NPSR1: variants seen among roughly 807,000 people sequenced by gnomAD.
NPSR1 encodes neuropeptide S receptor.
A neutral mutation model predicts 46.9 loss-of-function variants in NPSR1; 48 were observed. The ratio of observed to expected loss-of-function variants is 1.02; its 90% confidence interval spans 0.81 to 1.30. The LOEUF is 1.30. Ranked by LOEUF, NPSR1 falls within the 50% of genes most tolerant of loss-of-function variation. The pLI, the probability that NPSR1 is intolerant of heterozygous loss-of-function variation, is 0.00. For missense variants in NPSR1, 450 were observed against 449.5 expected, an observed-to-expected ratio of 1.00 and a Z score of -0.01; for synonymous variants, 176 against 168.1, an observed-to-expected ratio of 1.05 and a Z score of -0.36.
intron 1 of NPSR1, among the ~76,000 whole-genome samples, chr7:34,664,618 A>T (rs548909866): frequency 0.014 from 1,381 of 100,830 alleles, 8 homozygotes; most frequent in African/African-American, 0.02. Flanking sequence ...CTTTTTTTTA[A>T]AAAAAAAAAA....
chr7:34,876,545 G>A (rs1791579167), intron 8 of NPSR1, among the ~76,000 whole-genome samples: 1 of 152,158 alleles, frequency 6.6e-6, no homozygotes, highest in Non-Finnish European at 1.5e-5. Context: ...CCCTGAGAAA[G>A]GCTTAAGGCA....
chr7:34,756,854 G>T (rs1270194930), intron 2 of NPSR1, among the ~76,000 whole-genome samples: 1 of 152,154 alleles, frequency 6.6e-6, no homozygotes, highest in African/African-American at 2.4e-5. Flanking sequence ...AGCAGAGCAG[G>T]TGCCATGCAT....
chr7:34,830,906 C>G (rs1377728239), intron 5 of NPSR1, among the ~76,000 whole-genome samples: 1 of 152,174 alleles, frequency 6.6e-6, no homozygotes, highest in Non-Finnish European at 1.5e-5. Flanking sequence ...ACCCCTCTGG[C>G]CCATGTGCAT....
chr7:34,790,916 T>A lies in NPSR1; in HGVS notation c.384+12351T>A, dbSNP rs1185728122. Among the ~76,000 whole-genome samples, 3 of 133,046 alleles carry A rather than the reference T, an allele frequency of 2.3e-5. 1 individual carries two copies. The highest frequency in any genetic ancestry group is 4.6e-5 in the Non-Finnish European group (3 of 65,388). 87.3% of individuals were successfully genotyped at this position (133,046 alleles called of 152,430 possible). A position where few individuals can be genotyped will look rare whatever the true frequency, so the allele number is the denominator to read the frequency against. On this transcript the variant is annotated intron_variant, in intron 3 of 8. Coordinates refer to ENST00000360581, the MANE Select transcript of NPSR1 (RefSeq NM_207172.2). ...TATATGTTATATGTTATATTATATA[T>A]CATATATGTTATATGTTATATTATA... is the stretch of plus-strand genomic sequence containing the variant.
At chr7:34,873,100 T>C (rs972244737) in intron 8 of NPSR1, among the ~76,000 whole-genome samples, 7 of 151,878 alleles carry the variant, frequency 4.6e-5, no homozygotes, top group African/African-American at 1.7e-4. Flanking sequence ...GCAGCCAAGC[T>C]CTTCATTAAA....
intron 2 of NPSR1, chr7:34,750,839 A>G: frequency 2.9e-6 from 2 of 694,082 alleles, no homozygotes; most frequent in South Asian, 2.7e-5. Flanking sequence ...CTTTTCCACC[A>G]GGCTTTGTCT....
chr7:34,864,975 G>C (rs1182007486), intron 8 of NPSR1, among the ~76,000 whole-genome samples: 1 of 151,740 alleles, frequency 6.6e-6, no homozygotes, highest in African/African-American at 2.4e-5. Context: ...TTTGGCCAAT[G>C]GAACGTGGAA....
At chr7:34,751,017 G>T in intron 2 of NPSR1, 1 of 771,012 alleles carries the variant, frequency 1.3e-6, no homozygotes. Context: ...CTTGGCCAGG[G>T]CAGCAATTTG....
chr7:34,792,950 A>C (rs2128744717), intron 3 of NPSR1, among the ~76,000 whole-genome samples: 1 of 151,196 alleles, frequency 6.6e-6, no homozygotes, highest in African/African-American at 2.4e-5. Context: ...CACCTTGGGA[A>C]GCCAAAGCAG....
intron 5 of NPSR1, 184 bp from the exon 6 acceptor site, chr7:34,834,200 T>A: frequency 3.4e-6 from 2 of 593,428 alleles, no homozygotes; most frequent in Non-Finnish European, 6.0e-6. Context: ...AGTAACTCCA[T>A]CCAGTGGATC....
At chr7:34,853,364 T>A (rs1453020094), downstream of NPSR1, among the ~76,000 whole-genome samples, 1 of 152,248 alleles carries the variant, frequency 6.6e-6, no homozygotes, top group Non-Finnish European at 1.5e-5. Context: ...TACCTCATCT[T>A]ATATGCAGAT....
chr7:34,664,616 TA>T (rs781560805), intron 1 of NPSR1, among the ~76,000 whole-genome samples: 383 of 144,956 alleles, frequency 2.6e-3, no homozygotes, highest in Admixed American at 4.3e-3. Context: ...TTCTTTTTTT[TA>T]AAAAAAAAAA....
At chr7:34,730,879 C>T (rs1261055443) in intron 2 of NPSR1, among the ~76,000 whole-genome samples, 2 of 152,026 alleles carry the variant, frequency 1.3e-5, no homozygotes, top group Admixed American at 6.6e-5. Context: ...AAAGTGAGTG[C>T]CTGGACAGAA....
At chr7:34,682,625 A>G (rs1158103646) in intron 1 of NPSR1, among the ~76,000 whole-genome samples, 1 of 152,162 alleles carries the variant, frequency 6.6e-6, no homozygotes, top group African/African-American at 2.4e-5. Context: ...CTGAATGGGA[A>G]GTGTCAGTCT....
At chr7:34,820,968 G>A (rs1789524401) in intron 4 of NPSR1, among the ~76,000 whole-genome samples, 1 of 152,064 alleles carries the variant, frequency 6.6e-6, no homozygotes, top group Non-Finnish European at 1.5e-5. Context: ...CGCTGGAGAG[G>A]TATAATGAGA....
chr7:34,680,254 T>C (rs62464152), intron 1 of NPSR1, among the ~76,000 whole-genome samples: 2,602 of 152,272 alleles, frequency 0.017, 34 homozygotes, highest in Middle Eastern at 0.034. Context: ...AAAGACTTAA[T>C]GAAATGACAA....
intron 8 of NPSR1, among the ~76,000 whole-genome samples, chr7:34,877,816 T>A (rs12701390): frequency 6.6e-6 from 1 of 152,136 alleles, no homozygotes; most frequent in Non-Finnish European, 1.5e-5. Flanking sequence ...CAATGCCAGT[T>A]GTCACTTCAA....
chr7:34,683,144 A>G (rs1792736116), intron 1 of NPSR1, among the ~76,000 whole-genome samples: 1 of 152,122 alleles, frequency 6.6e-6, no homozygotes, highest in Non-Finnish European at 1.5e-5. Context: ...GAAGATGCTC[A>G]TAAAAAATTT....
chr7:34,791,478 A>C (rs1251783574), intron 3 of NPSR1, among the ~76,000 whole-genome samples: 1 of 151,202 alleles, frequency 6.6e-6, no homozygotes, highest in African/African-American at 2.4e-5. Flanking sequence ...AAAAAGAATA[A>C]AATACGTAGA....
Sources: allele counts gnomAD v4.1 joint callset (sites outside exome capture counted in the v4.1 genomes callset), GRCh38; gene constraint gnomAD v4.1.1; transcripts MANE v1.5; gene names NCBI Gene and HGNC (gene_info 2026-07-23, HGNC 2026-07-21).